The following TMEM268 variants were observed in gnomAD, a reference collection of about 807,000 sequenced individuals.
The protein encoded by TMEM268 is transmembrane protein 268, also known as transmembrane protein C9orf91.
TMEM268 carries 24 observed loss-of-function variants against 39.1 expected under a neutral mutation model. That is an observed-to-expected ratio of 0.61 (90% CI 0.44 to 0.86). The LOEUF (loss-of-function observed/expected upper bound fraction) is 0.86, where lower values mean the gene tolerates loss of function less well. Among genes scored for constraint, TMEM268 ranks in the 40% least tolerant of loss-of-function variants. The pLI, the probability that TMEM268 is intolerant of heterozygous loss-of-function variation, is 0.00. For missense variants in TMEM268, 409 were observed against 428.6 expected, an observed-to-expected ratio of 0.95 and a Z score of 0.40; for synonymous variants, 176 against 173.5, an observed-to-expected ratio of 1.01 and a Z score of -0.12.
chr9:114,615,811 T>C (rs1046218048), intron 1 of TMEM268, among the ~76,000 whole-genome samples: 1 of 151,978 alleles, frequency 6.6e-6, no homozygotes, highest in Non-Finnish European at 1.5e-5. Flanking sequence ...TGCCTCAGCC[T>C]CCCAAGCAGC....
intron 1 of TMEM268, 127 bp downstream of exon 1, chr9:114,611,691 G>C (rs562585369): frequency 9.8e-5 from 15 of 153,234 alleles, no homozygotes; most frequent in African/African-American, 2.9e-4. Flanking sequence ...GACGGCCTGG[G>C]TTCGGCGCGG....
chr9:114,616,566 A>C (rs1208998774), intron 1 of TMEM268, among the ~76,000 whole-genome samples: 4 of 148,672 alleles, frequency 2.7e-5, no homozygotes, highest in Admixed American at 6.8e-5. Context: ...GGGTTTCACC[A>C]TGTTGGCCAG....
upstream of TMEM268, among the ~76,000 whole-genome samples, chr9:114,609,742 GGAAAGAAAGAAA>G (rs146077247): frequency 4.0e-5 from 5 of 123,786 alleles, no homozygotes; most frequent in African/African-American, 1.2e-4. Context: ...AAGGAAGGAA[GGAAAGAAAGAAA>G]GAAAGAAAGA....
Position 114,636,978 on chromosome 9 carries a change from T to C in TMEM268, c.586-12T>C. On this transcript the variant is annotated splice_polypyrimidine_tract_variant and intron_variant, in intron 6 of 8. Transcript: ENST00000288502. Reference sequence around the variant, plus strand: ...CTTGAGCCACGGTGGTCACTGCTGCTTCTCCCCACAGCTTTGGTTTGTCTA... The same window carrying C: ...CTTGAGCCACGGTGGTCACTGCTGCCTCTCCCCACAGCTTTGGTTTGTCTA... 2 of 1,607,362 alleles carry C rather than the reference T, an allele frequency of 1.2e-6. No homozygotes were observed. Among genetic ancestry groups the C allele is most frequent in the Non-Finnish European group, 1.7e-6 (2 of 1,174,220 alleles).
intron 8 of TMEM268, among the ~76,000 whole-genome samples, chr9:114,642,842 C>A (rs1416316260): frequency 6.6e-6 from 1 of 152,128 alleles, no homozygotes; most frequent in South Asian, 2.1e-4. Flanking sequence ...TTCGAGGTTG[C>A]ATATTTTTTT....
At chr9:114,630,582 G>A (rs373451094) in intron 5 of TMEM268, among the ~76,000 whole-genome samples, 1 of 152,170 alleles carries the variant, frequency 6.6e-6, no homozygotes, top group Non-Finnish European at 1.5e-5. Flanking sequence ...CTTGGGGTGA[G>A]TTACTTAATC....
chr9:114,608,620 T>C (rs1845397234), upstream of TMEM268, among the ~76,000 whole-genome samples: 1 of 152,212 alleles, frequency 6.6e-6, no homozygotes. Context: ...AGGATCCCTT[T>C]TAATATCCTA....
intron 2 of TMEM268, chr9:114,623,990 C>G (rs1185010930): frequency 1.4e-5 from 3 of 207,476 alleles, no homozygotes; most frequent in East Asian, 2.7e-4. Flanking sequence ...GCATCACCCC[C>G]CTCAATGTAG....
intron 7 of TMEM268, among the ~76,000 whole-genome samples, chr9:114,637,607 T>C (rs973019902): frequency 6.6e-6 from 1 of 152,190 alleles, no homozygotes; most frequent in Non-Finnish European, 1.5e-5. Flanking sequence ...TATTTCTTTA[T>C]AATTATAATA....
the TMEM268 span, among the ~76,000 whole-genome samples, chr9:114,604,981 G>A: frequency 1.5e-4 from 23 of 152,298 alleles, no homozygotes; most frequent in East Asian, 4.4e-3. Context: ...TCTGCCTTCA[G>A]GCTTTTCTCC....
At chr9:114,615,186 C>G (rs369730379) in intron 1 of TMEM268, among the ~76,000 whole-genome samples, 7 of 152,140 alleles carry the variant, frequency 4.6e-5, no homozygotes, top group African/African-American at 1.4e-4. Context: ...CGTGAGCCAC[C>G]GTGCTGGGTG....
chr9:114,638,826 T>C lies in TMEM268; in HGVS notation c.849+100T>C, dbSNP rs115471934. ...TCTTAGATTCCCCAAGACATGCTTC[T>C]CTCAGTTAGTAGACACCACACAAAT... On this transcript the variant is annotated intron_variant, in intron 8 of 8. Coordinates refer to ENST00000288502, the MANE Select transcript of TMEM268 (RefSeq NM_153045.4). The C allele has an allele frequency of 3.7e-5, 32 of 855,562 alleles. No individual in the cohort carries two copies. The African/African-American group carries it at 5.7e-4, about 15-fold the overall frequency. 53.0% of individuals were successfully genotyped at this position (855,562 alleles called of 1,614,324 possible). A position where few individuals can be genotyped will look rare whatever the true frequency, so the allele number is the denominator to read the frequency against.
chr9:114,626,211 C>T (rs548129303), intron 3 of TMEM268, among the ~76,000 whole-genome samples: 18 of 152,306 alleles, frequency 1.2e-4, no homozygotes, highest in African/African-American at 4.1e-4. Context: ...AGTCCACCTG[C>T]CTTGGTCTCC....
At position 114,644,370 on chromosome 9, in the gene TMEM268, A is replaced by G. The variant is rs1241584321; in HGVS notation, c.*1057A>G. 1 of 152,316 alleles carries G rather than the reference A, an allele frequency of 6.6e-6. No homozygotes were observed. The highest frequency in any genetic ancestry group is 1.5e-5 in the Non-Finnish European group (1 of 68,060). The allele number at this position is 152,316 out of a possible 1,614,324, so 9.4% of individuals were successfully genotyped here. On this transcript the variant is annotated 3_prime_UTR_variant, in exon 9 of 9. Transcript: ENST00000288502. ...TTGTTGGACTCCTATTCATGCTTCA[A>G]AGTCCAGCTTTCTTAAGCCCTTCTT...
intron 2 of TMEM268, among the ~76,000 whole-genome samples, chr9:114,621,184 T>A (rs1287551640): frequency 5.3e-5 from 8 of 151,060 alleles, no homozygotes. Flanking sequence ...AAATAAAAAA[T>A]TAAAAAAAAA....
intron 5 of TMEM268, among the ~76,000 whole-genome samples, chr9:114,628,545 G>A (rs1846258898): frequency 2.0e-5 from 3 of 152,106 alleles, no homozygotes; most frequent in African/African-American, 7.2e-5. Context: ...GCCCTCTCAT[G>A]CACTTCCTCT....
chr9:114,636,343 C>T (rs1440510186), intron 6 of TMEM268, among the ~76,000 whole-genome samples: 1 of 152,058 alleles, frequency 6.6e-6, no homozygotes, highest in African/African-American at 2.4e-5. Flanking sequence ...GGGTTTCACT[C>T]ATTTGCATGT....
At chr9:114,635,169 C>T (rs1330315615) in intron 6 of TMEM268, among the ~76,000 whole-genome samples, 1 of 150,992 alleles carries the variant, frequency 6.6e-6, no homozygotes. Flanking sequence ...GGTGAAACCC[C>T]GTCTCTACTA....
At chr9:114,634,198 C>T (rs953285292) in intron 6 of TMEM268, among the ~76,000 whole-genome samples, 12 of 152,274 alleles carry the variant, frequency 7.9e-5, no homozygotes, top group South Asian at 4.1e-4. Flanking sequence ...TGGACACTGG[C>T]GACATTGAGG....
Sources: allele counts gnomAD v4.1 joint callset (sites outside exome capture counted in the v4.1 genomes callset), GRCh38; gene constraint gnomAD v4.1.1; transcripts MANE v1.5; gene names NCBI Gene and HGNC (gene_info 2026-07-23, HGNC 2026-07-21).